SLC24A3: variants seen among roughly 807,000 people sequenced by gnomAD.
The protein encoded by SLC24A3 is sodium/potassium/calcium exchanger 3.
In SLC24A3, 28 loss-of-function variants were observed where a neutral mutation model predicts 75.8. The observed-to-expected ratio is 0.37, with a 90% CI of 0.27 to 0.51. The LOEUF is 0.51. SLC24A3 is among the 20% of genes least tolerant of loss of function. SLC24A3 has a pLI of 0.94. For missense variants in SLC24A3, 663 were observed against 847.8 expected (o/e 0.78, Z 2.71); for synonymous variants, 372 against 334.1 (o/e 1.11, Z -1.24).
intron 2 of SLC24A3, among the ~76,000 whole-genome samples, chr20:19,390,201 C>A (rs1986343090): frequency 6.6e-6 from 1 of 152,160 alleles, no homozygotes; most frequent in African/African-American, 2.4e-5. Flanking sequence ...TTTGGCCAGG[C>A]AGTTTATAAA....
chr20:19,641,922 T>C (rs2032079338), intron 6 of SLC24A3, among the ~76,000 whole-genome samples: 1 of 152,210 alleles, frequency 6.6e-6, no homozygotes, highest in African/African-American at 2.4e-5. Flanking sequence ...TACAATGATG[T>C]AAGTTAGGGT....
intron 6 of SLC24A3, among the ~76,000 whole-genome samples, chr20:19,629,758 T>A (rs6132223): frequency 0.024 from 3,626 of 152,246 alleles, 83 homozygotes; most frequent in East Asian, 0.06. Flanking sequence ...ATATTCAAAG[T>A]GCTAAAAGAA....
intron 1 of SLC24A3, among the ~76,000 whole-genome samples, chr20:19,268,097 A>G (rs2122206023): frequency 6.6e-6 from 1 of 152,266 alleles, no homozygotes; most frequent in Admixed American, 6.5e-5. Context: ...AATCTGCTCA[A>G]CTGAGCCCAT....
At chr20:19,340,821 A>G (rs1281191916) in intron 2 of SLC24A3, among the ~76,000 whole-genome samples, 1 of 152,154 alleles carries the variant, frequency 6.6e-6, no homozygotes, top group East Asian at 1.9e-4. Context: ...CAGTTGTATG[A>G]TGTGATTTGT....
chr20:19,269,476 C>G (rs755943248), intron 1 of SLC24A3, among the ~76,000 whole-genome samples: 1 of 152,260 alleles, frequency 6.6e-6, no homozygotes, highest in Non-Finnish European at 1.5e-5. Flanking sequence ...ATTTAACTGA[C>G]AATTTCTGTC....
chr20:19,263,533 AT>A lies in SLC24A3; in HGVS notation c.143-17425del, dbSNP rs1983063395. ...AGAGGCGTTGCTCTCTGGCTGAAATATGCAAAGCAAGCCTCCCCGTTTCTCA... is the reference window on the plus strand; with the variant it reads ...AGAGGCGTTGCTCTCTGGCTGAAATAGCAAAGCAAGCCTCCCCGTTTCTCA... On this transcript the variant is annotated intron_variant, in intron 1 of 16. Coordinates refer to ENST00000328041, the MANE Select transcript of SLC24A3 (RefSeq NM_020689.4). Among the ~76,000 whole-genome samples, 2 of 152,312 alleles carry A rather than the reference AT, an allele frequency of 1.3e-5. 1 individual carries two copies. The highest frequency in any genetic ancestry group is 4.1e-4 in the South Asian group (2 of 4,826).
At chr20:19,411,594 C>T (rs370586964) in intron 2 of SLC24A3, among the ~76,000 whole-genome samples, 1 of 152,162 alleles carries the variant, frequency 6.6e-6, no homozygotes, top group Non-Finnish European at 1.5e-5. Flanking sequence ...TGCTGTGATG[C>T]ATGAGTGAGT....
chr20:19,395,181 T>C (rs1350776234), intron 2 of SLC24A3, among the ~76,000 whole-genome samples: 1 of 152,082 alleles, frequency 6.6e-6, no homozygotes, highest in South Asian at 2.1e-4. Context: ...TGCCAGGTAC[T>C]GGGGGGAGAA....
chr20:19,676,814 A>G (rs2032529508), intron 9 of SLC24A3, among the ~76,000 whole-genome samples: 1 of 152,082 alleles, frequency 6.6e-6, no homozygotes. Flanking sequence ...CTGCTCTAGG[A>G]TTTGTTCCCC....
At chr20:19,599,582 C>A (rs1350082091) in intron 6 of SLC24A3, among the ~76,000 whole-genome samples, 1 of 152,228 alleles carries the variant, frequency 6.6e-6, no homozygotes, top group Non-Finnish European at 1.5e-5. Context: ...TACCCAGGTG[C>A]TCATCTCTGA....
At chr20:19,630,293 T>C (rs1216351963) in intron 6 of SLC24A3, among the ~76,000 whole-genome samples, 1 of 152,216 alleles carries the variant, frequency 6.6e-6, no homozygotes, top group Non-Finnish European at 1.5e-5. Context: ...TGTTTAATAA[T>C]CACATTAATA....
intron 3 of SLC24A3, among the ~76,000 whole-genome samples, chr20:19,567,413 T>C (rs955280106): frequency 2.6e-5 from 4 of 152,100 alleles, no homozygotes; most frequent in African/African-American, 9.7e-5. Flanking sequence ...AAACAGAAAG[T>C]CAAATACTGC....
intron 3 of SLC24A3, among the ~76,000 whole-genome samples, chr20:19,518,239 C>T (rs2030033613): frequency 6.6e-6 from 1 of 152,218 alleles, no homozygotes; most frequent in Non-Finnish European, 1.5e-5. Context: ...AAGCAAAATA[C>T]AGACTTCCTG....
At chr20:19,225,850 G>A (rs1420007925) in intron 1 of SLC24A3, among the ~76,000 whole-genome samples, 1 of 152,098 alleles carries the variant, frequency 6.6e-6, no homozygotes, top group Non-Finnish European at 1.5e-5. Context: ...AAGAACATTT[G>A]AGTTGTTTTT....
At chr20:19,575,593 C>T (rs572219689) in intron 3 of SLC24A3, among the ~76,000 whole-genome samples, 27 of 152,308 alleles carry the variant, frequency 1.8e-4, no homozygotes, top group Middle Eastern at 6.8e-3. Context: ...CACCCATCTT[C>T]TCTAAATGCC....
At chr20:19,457,114 TG>T (rs780536054) in intron 2 of SLC24A3, among the ~76,000 whole-genome samples, 7 of 152,152 alleles carry the variant, frequency 4.6e-5, no homozygotes, top group Non-Finnish European at 7.3e-5. Context: ...AAATGAATAA[TG>T]TAGTACTTAC....
At chr20:19,252,709 GT>G (rs1372999531) in intron 1 of SLC24A3, among the ~76,000 whole-genome samples, 1 of 149,210 alleles carries the variant, frequency 6.7e-6, no homozygotes, top group Non-Finnish European at 1.5e-5. Context: ...ACATTCATTT[GT>G]ATGTGACTTT....
chr20:19,300,308 C>A (rs1166374410), intron 2 of SLC24A3, among the ~76,000 whole-genome samples: 1 of 152,144 alleles, frequency 6.6e-6, no homozygotes, highest in East Asian at 1.9e-4. Flanking sequence ...TCCCTTTGAA[C>A]CTGGCTGCCA....
intron 9 of SLC24A3, among the ~76,000 whole-genome samples, chr20:19,678,149 T>C (rs1287380448): frequency 6.6e-6 from 1 of 150,746 alleles, no homozygotes; most frequent in Non-Finnish European, 1.5e-5. Flanking sequence ...CTCAATCTTT[T>C]CCCCACCTTT....
Sources: gnomAD v4.1 joint callset for allele counts (sites outside exome capture counted in the v4.1 genomes callset) on GRCh38, gnomAD v4.1.1 for gene constraint, MANE v1.5 for transcripts, NCBI Gene and HGNC (gene_info 2026-07-23, HGNC 2026-07-21) for gene names.